The following PNPLA8 variants were observed in gnomAD, a reference collection of about 807,000 sequenced individuals.
PNPLA8 encodes calcium-independent phospholipase A2-gamma.
PNPLA8 carries 39 observed loss-of-function variants against 76.9 expected under a neutral mutation model. The ratio of observed to expected loss-of-function variants is 0.51; its 90% CI spans 0.39 to 0.66. The LOEUF (loss-of-function observed/expected upper bound fraction) is 0.66. Among genes scored for constraint, PNPLA8 ranks in the 30% least tolerant of loss-of-function variants. The pLI, the probability that PNPLA8 is intolerant of heterozygous loss-of-function variation, is 0.00. For synonymous variants in PNPLA8, 301 were observed against 307.9 expected (o/e 0.98, Z 0.24); for missense variants, 887 against 918.0 (o/e 0.97, Z 0.44).
intron 4 of PNPLA8, among the ~76,000 whole-genome samples, chr7:108,504,514 A>T (rs561906353): frequency 4.6e-5 from 7 of 152,362 alleles, no homozygotes; most frequent in African/African-American, 1.7e-4. Context: ...GCCATATGTC[A>T]TGGCTTGGAA....
chr7:108,493,941 T>C (rs948133552), intron 7 of PNPLA8, among the ~76,000 whole-genome samples: 4 of 152,006 alleles, frequency 2.6e-5, no homozygotes, highest in African/African-American at 9.7e-5. Context: ...TGTACGAAAA[T>C]AAATCCACAG....
At chr7:108,496,052 G>A (rs1861524129) in intron 7 of PNPLA8, among the ~76,000 whole-genome samples, 1 of 152,076 alleles carries the variant, frequency 6.6e-6, no homozygotes, top group Non-Finnish European at 1.5e-5. Context: ...TGAGCAACAT[G>A]GTGAAATCTT....
At chr7:108,507,212 G>A (rs1216920518) in intron 4 of PNPLA8, among the ~76,000 whole-genome samples, 5 of 151,532 alleles carry the variant, frequency 3.3e-5, no homozygotes, top group African/African-American at 9.7e-5. Flanking sequence ...GCGTGGTGGC[G>A]GGCGCCTGTA....
At chr7:108,510,796 T>C (rs2154516460) in intron 4 of PNPLA8, 4 of 1,601,372 alleles carry the variant, frequency 2.5e-6, no homozygotes, top group Middle Eastern at 1.7e-4. Flanking sequence ...GCATGGAGGA[T>C]CTGATTCATG....
rs1336463962 is a variant in PNPLA8 at position 108,491,477 on chromosome 7, A to G, written c.1626-10T>C. ...AGATCCCATCCTATCCCTTTATTAAAGGAGAAAAAAATAAGTTATATCAAA... is the reference window on the plus strand; with the variant it reads ...AGATCCCATCCTATCCCTTTATTAAGGGAGAAAAAAATAAGTTATATCAAA... On this transcript the variant is annotated splice_polypyrimidine_tract_variant and intron_variant, in intron 7 of 10. Transcript: ENST00000257694. The G allele has an allele frequency of 1.3e-5, 20 of 1,562,548 alleles. No homozygotes were observed. The highest frequency in any genetic ancestry group is 1.8e-5 in the Non-Finnish European group (20 of 1,135,092).
intron 5 of PNPLA8, among the ~76,000 whole-genome samples, chr7:108,499,078 C>CATT (rs1861763681): frequency 6.6e-6 from 1 of 152,122 alleles, no homozygotes; most frequent in Non-Finnish European, 1.5e-5. Flanking sequence ...ATTATTAATT[C>CATT]AAGACAAGAC....
intron 4 of PNPLA8, among the ~76,000 whole-genome samples, chr7:108,506,878 T>C (rs761790696): frequency 8.5e-5 from 13 of 152,234 alleles, no homozygotes; most frequent in Non-Finnish European, 1.5e-4. Context: ...GGTGGTTATA[T>C]AGATGTATTT....
At chr7:108,517,387 C>A (rs1037021357) in intron 2 of PNPLA8, among the ~76,000 whole-genome samples, 9 of 152,170 alleles carry the variant, frequency 5.9e-5, no homozygotes, top group African/African-American at 1.7e-4. Context: ...CATGACCCAG[C>A]AATGGTACTC....
intron 10 of PNPLA8, 23 bp from the exon 11 acceptor site, chr7:108,472,698 GA>G (rs2154514553): frequency 1.3e-6 from 2 of 1,514,736 alleles, no homozygotes; most frequent in East Asian, 4.6e-5. Context: ...AAAAGAAAAG[GA>G]TAAGGGGATA....
chr7:108,477,806 G>A (rs1860106299), intron 10 of PNPLA8, among the ~76,000 whole-genome samples: 1 of 152,078 alleles, frequency 6.6e-6, no homozygotes, highest in African/African-American at 2.4e-5. Flanking sequence ...TGAGGCTGCA[G>A]TGAGCTATCA....
chr7:108,516,957 A>AC (rs1863390971), intron 2 of PNPLA8, among the ~76,000 whole-genome samples: 1 of 152,130 alleles, frequency 6.6e-6, no homozygotes, highest in African/African-American at 2.4e-5. Context: ...GGTCAATGTC[A>AC]AGAGAATAAG....
intron 4 of PNPLA8, among the ~76,000 whole-genome samples, chr7:108,503,046 A>G (rs370219812): frequency 2.1e-4 from 32 of 152,370 alleles, no homozygotes; most frequent in East Asian, 1.2e-3. Context: ...ATTAAAAAGA[A>G]ATAATGAACC....
chr7:108,473,197 A>G (rs906324303), intron 10 of PNPLA8, among the ~76,000 whole-genome samples: 2 of 152,152 alleles, frequency 1.3e-5, no homozygotes, highest in Non-Finnish European at 2.9e-5. Context: ...AAAAGTATCT[A>G]CCTTCTTTTA....
intron 10 of PNPLA8, among the ~76,000 whole-genome samples, chr7:108,475,305 C>T (rs1859909764): frequency 6.6e-6 from 1 of 152,054 alleles, no homozygotes; most frequent in Non-Finnish European, 1.5e-5. Context: ...CTTGAATTAT[C>T]CCAAAACCAT....
rs576611910 is a variant in PNPLA8 at position 108,510,413 on chromosome 7, A to G, written c.1206+3731T>C. On this transcript the variant is annotated intron_variant, in intron 4 of 10. Coordinates refer to ENST00000257694, the MANE Select transcript of PNPLA8 (RefSeq NM_001256007.3). ...AGCAAAGCACTATCACAGGGAATAT[A>G]GGCAGATGTACAGAACTGAAATTCG... The G allele has an allele frequency of 1.1e-5, 16 of 1,515,928 alleles. No homozygotes were observed. The East Asian group carries it at 2.5e-4, about 23-fold the overall frequency. The allele number at this position is 1,515,928 out of a possible 1,614,324, so 93.9% of individuals were successfully genotyped here.
At position 108,512,116 on chromosome 7, in the gene PNPLA8, C is replaced by T. The variant is rs145818631; in HGVS notation, c.1206+2028G>A. Among the ~76,000 whole-genome samples the T allele has an allele frequency of 1.6e-3, 239 of 152,290 alleles. 1 individual carries two copies. Among genetic ancestry groups the T allele is most frequent in the African/African-American group, 5.4e-3 (225 of 41,558 alleles). ...GGACAGGATCTAAGTAACCACCACA[C>T]GGAGGTTCACTGTGCCAAAGAGTCA... On this transcript the variant is annotated intron_variant, in intron 4 of 10. Coordinates refer to ENST00000257694, the MANE Select transcript of PNPLA8 (RefSeq NM_001256007.3).
At chr7:108,489,511 T>C (rs1000556847) in intron 8 of PNPLA8, among the ~76,000 whole-genome samples, 2 of 152,224 alleles carry the variant, frequency 1.3e-5, no homozygotes, top group South Asian at 2.1e-4. Context: ...AAATATGCTT[T>C]CAAAGAACTG....
chr7:108,496,521 A>G, intron 7 of PNPLA8, 63 bp downstream of exon 7: 17 of 974,820 alleles, frequency 1.7e-5, no homozygotes, highest in Non-Finnish European at 2.4e-5. Context: ...ACATTTTTCA[A>G]ATTATAATAT....
At chr7:108,499,050 A>G (rs1269890417) in intron 5 of PNPLA8, among the ~76,000 whole-genome samples, 2 of 152,228 alleles carry the variant, frequency 1.3e-5, no homozygotes, top group East Asian at 1.9e-4. Flanking sequence ...GAGTTAAGAT[A>G]TCTTATGAAA....
Sources: gnomAD v4.1 joint callset for allele counts (sites outside exome capture counted in the v4.1 genomes callset) on GRCh38, gnomAD v4.1.1 for gene constraint, MANE v1.5 for transcripts, NCBI Gene and HGNC (gene_info 2026-07-23, HGNC 2026-07-21) for gene names.